MRPS11: variants seen among roughly 807,000 people sequenced by gnomAD.
MRPS11 encodes mitochondrial ribosomal protein S11, also known as small ribosomal subunit protein uS11m.
MRPS11 carries 27 observed loss-of-function variants against 24.3 expected under a neutral mutation model. The observed-to-expected ratio is 1.11, with a 90% CI of 0.82 to 1.53. The LOEUF is 1.53. MRPS11 is among the 40% of genes most tolerant of loss of function. The pLI is 0.00. For synonymous variants in MRPS11, 104 were observed against 98.7 expected (o/e 1.05, Z -0.32); for missense variants, 277 against 256.5 (o/e 1.08, Z -0.55).
chr15:88,472,593 A>C (rs772966129), intron 2 of MRPS11, 34 bp from the exon 3 acceptor site: 18 of 1,540,058 alleles, frequency 1.2e-5, no homozygotes, highest in Non-Finnish European at 1.5e-5. Context: ...AAAAGTCGAG[A>C]CAATTTTAAA....
intron 2 of MRPS11, 94 bp downstream of exon 2, chr15:88,468,118 G>A: frequency 6.7e-7 from 1 of 1,502,378 alleles, no homozygotes; most frequent in Non-Finnish European, 8.9e-7. Context: ...TTTCAGCTAT[G>A]TCACTTGCTA....
At chr15:88,470,459 G>A (rs2055671050) in intron 2 of MRPS11, among the ~76,000 whole-genome samples, 1 of 152,154 alleles carries the variant, frequency 6.6e-6, no homozygotes, top group African/African-American at 2.4e-5. Flanking sequence ...GAAGAGAAGA[G>A]GTCCAAGGAC....
At position 88,472,643 on chromosome 15, in the gene MRPS11, C is replaced by T. The variant is rs753261109; in HGVS notation, c.199C>T (p.Pro67Ser). The T allele has an allele frequency of 3.1e-6, 5 of 1,613,342 alleles. No individual in the cohort carries two copies. Among genetic ancestry groups the T allele is most frequent in the South Asian group, 2.2e-5 (2 of 91,060 alleles). Residue 67 changes from proline to serine, a missense_variant, in exon 3 of 6, where the codon CCA becomes TCA. Transcript: ENST00000325844. ...HTKFSIYPPIPGEESSLRWAG... is the reference protein window; with the variant it reads ...HTKFSIYPPISGEESSLRWAG... The stretch of plus-strand genomic sequence containing the variant: ...TAATTGCAGCATTTACCCTCCCATT[C>T]CAGGAGAGGAGAGCTCTCTGAGGTG...
Position 88,476,978 on chromosome 15 carries a change from C to T in MRPS11, c.412-11C>T, listed in dbSNP as rs1442200992. The T allele has an allele frequency of 1.2e-6, 2 of 1,612,306 alleles. No homozygotes were observed. The highest frequency in any genetic ancestry group is 2.7e-5 in the African/African-American group (2 of 74,182). ...TCTCTCCGGGGCACTAACCACTCTG[C>T]TTCTCTCCAGAGAGCTAAACAAAAG... On this transcript the variant is annotated splice_polypyrimidine_tract_variant and intron_variant, in intron 4 of 5. Coordinates refer to ENST00000325844, the MANE Select transcript of MRPS11 (RefSeq NM_022839.5).
In MRPS11 at chr15:88,472,471, G is replaced by C; in HGVS notation, c.183-156G>C. On this transcript the variant is annotated intron_variant, in intron 2 of 5. Transcript: ENST00000325844. ...TCATAAGCACAGCAGTCACACATGC[G>C]GTGGTGGCACCAGAAGGACTGAAAA... The C allele has an allele frequency of 1.2e-5, 7 of 597,358 alleles. No individual in the cohort carries two copies. The South Asian group carries it at 1.2e-4, about 10-fold the overall frequency. 37.0% of individuals were successfully genotyped at this position (597,358 alleles called of 1,614,324 possible). A position where few individuals can be genotyped will look rare whatever the true frequency, so the allele number is the denominator to read the frequency against.
rs1174125670 is a variant in MRPS11 at position 88,476,878 on chromosome 15, C to T, written c.412-111C>T. The T allele has an allele frequency of 6.6e-6, 7 of 1,066,896 alleles. No homozygotes were observed. In the African/African-American group the frequency reaches 1.1e-4, roughly 17 times the overall value. The allele number at this position is 1,066,896 out of a possible 1,614,324, so 66.1% of individuals were successfully genotyped here. A position where few individuals can be genotyped will look rare whatever the true frequency, so the allele number is the denominator to read the frequency against. ...GCCCTTTGCCTCCCTGTTTACTTCT[C>T]TGGATGCCCTTTCCCTGAGCTCACA... On this transcript the variant is annotated intron_variant, in intron 4 of 5. Transcript: ENST00000325844.
intron 2 of MRPS11, among the ~76,000 whole-genome samples, chr15:88,471,483 G>T (rs112234013): frequency 3.2e-4 from 49 of 152,288 alleles, no homozygotes; most frequent in African/African-American, 1.1e-3. Context: ...GGAACAGCAA[G>T]TTTATTTCCA....
chr15:88,469,440 G>A lies in MRPS11; in HGVS notation c.182+1416G>A, dbSNP rs1035972631. On this transcript the variant is annotated intron_variant, in intron 2 of 5. Transcript: ENST00000325844. This position sits in a 1 kb window ranked among gnomAD's most constrained non-coding sequence, Gnocchi z 4.4. ...CTGCCCTCATAGAACTTAAATTCCA[G>A]TGGGTAGAAGACAGTAAATAGAAAA... Among the ~76,000 whole-genome samples, 1 of 152,214 alleles carries A rather than the reference G, an allele frequency of 6.6e-6. No homozygotes were observed. Among genetic ancestry groups the A allele is most frequent in the Non-Finnish European group, 1.5e-5 (1 of 68,040 alleles).
In MRPS11 at chr15:88,477,006, C is replaced by G. The variant is rs149594277; in HGVS notation, c.429C>G (p.Gly143=). The change falls in exon 5 of 6, where the codon GGC becomes GGG. Residue 143 remains glycine (G), a synonymous_variant. Coordinates refer to ENST00000325844, the MANE Select transcript of MRPS11 (RefSeq NM_022839.5). This position sits in a 1 kb window ranked among gnomAD's most constrained non-coding sequence, Gnocchi z 5.7. ...IAAAARAKQK[G]VIHIRVVVKG... ...CTCTCCAGAGAGCTAAACAAAAGGG[C>G]GTGATCCACATCCGAGTTGTGGTGA... 3.9e-5 allele frequency: 63 copies of G among 1,613,968 alleles called. No individual in the cohort carries two copies. In the Middle Eastern group the frequency reaches 8.2e-4, roughly 21 times the overall value.
chr15:88,476,554 C>T (rs2055827257), intron 4 of MRPS11, among the ~76,000 whole-genome samples: 2 of 152,136 alleles, frequency 1.3e-5, no homozygotes, highest in South Asian at 4.1e-4. Flanking sequence ...TGTATATTTT[C>T]CCATTTTTAT....
chr15:88,471,802 C>T (rs577662218), intron 2 of MRPS11, among the ~76,000 whole-genome samples: 4 of 152,310 alleles, frequency 2.6e-5, no homozygotes, highest in Admixed American at 2.0e-4. Context: ...GAACGCAACA[C>T]AATGTGTTCA....
Position 88,477,925 on chromosome 15 carries a change from C to T in MRPS11, c.531C>T (p.Asp177=), listed in dbSNP as rs1253500023. ...GCCTGGAAGTGATCTCAATCACAGA[C>T]AACACCCCAATCCCACACAACGGCT... is the stretch of plus-strand genomic sequence containing the variant. ...MGGLEVISIT[D]NTPIPHNGCR... is the part of the protein sequence containing the mutation. The change falls in exon 6 of 6, where the codon GAC becomes GAT. Residue 177 remains aspartate (D), a synonymous_variant. Transcript: ENST00000325844. The surrounding 1 kb of genome is among the most constrained non-coding windows in gnomAD (Gnocchi z 5.7). 1.9e-6 allele frequency: 3 copies of T among 1,614,176 alleles called. No homozygotes were observed. Among genetic ancestry groups the T allele is most frequent in the Non-Finnish European group, 2.5e-6 (3 of 1,180,032 alleles).
chr15:88,467,840 G>C (rs114253630), intron 1 of MRPS11, 58 bp downstream of exon 1: 5 of 1,612,842 alleles, frequency 3.1e-6, no homozygotes, highest in Non-Finnish European at 4.2e-6. Context: ...GCTCCTACTC[G>C]TGTCCCTTGA....
At chr15:88,471,353 G>A (rs1424514826) in intron 2 of MRPS11, among the ~76,000 whole-genome samples, 3 of 152,210 alleles carry the variant, frequency 2.0e-5, no homozygotes, top group Non-Finnish European at 4.4e-5. Flanking sequence ...AGAAAAGCAG[G>A]TAGGGCTGGG....
chr15:88,476,777 A>ATCACAG, intron 4 of MRPS11: 1 of 578,986 alleles, frequency 1.7e-6, no homozygotes, highest in Admixed American at 3.0e-5. Flanking sequence ...GGCTAAACAG[A>ATCACAG]TCACAGTCAC....
In MRPS11 at chr15:88,467,743, C is replaced by A. The variant is rs201980995; in HGVS notation, c.26C>A (p.Ser9Ter). Residue 9 changes from serine to a stop codon, truncating the protein, a stop_gained, in exon 1 of 6, where the codon TCG (serine) becomes TAG (stop). Transcript: ENST00000325844. LOFTEE classifies it high-confidence loss of function. MQAVRNAG[S>*]RFLRSWTWPQ... ...ATGCAGGCTGTGAGAAACGCGGGGT[C>A]GCGGTTCCTGCGGTCCTGGACTTGG... The A allele has an allele frequency of 3.7e-6, 6 of 1,613,916 alleles. No homozygotes were observed. The African/African-American group carries it at 5.3e-5, about 14-fold the overall frequency.
rs1425366594 is a variant in MRPS11, at chr15:88,467,944, C to T, written c.102C>T (p.Cys34=). 7 of 1,613,370 alleles carry T rather than the reference C, an allele frequency of 4.3e-6. No homozygotes were observed. The highest frequency in any genetic ancestry group is 5.9e-6 in the Non-Finnish European group (7 of 1,179,982). Residue 34 remains cysteine (C), a synonymous_variant, in exon 2 of 6, where the codon TGC becomes TGT. Coordinates refer to ENST00000325844, the MANE Select transcript of MRPS11 (RefSeq NM_022839.5). ...VVARTPAGTI[C]TGARQLQDAA... is the part of the protein sequence containing the mutation. The stretch of plus-strand genomic sequence containing the variant: ...CCAGAACGCCGGCCGGGACCATCTG[C>T]ACAGGCGCTCGACAGCTCCAAGACG...
rs1022770427 is a variant in MRPS11 at position 88,480,228 on chromosome 15, G to C, written c.*2249G>C. 4 of 152,156 alleles carry C rather than the reference G, an allele frequency of 2.6e-5. No homozygotes were observed. Among genetic ancestry groups the C allele is most frequent in the African/African-American group, 9.7e-5 (4 of 41,428 alleles). The allele number at this position is 152,156 out of a possible 1,614,324, so 9.4% of individuals were successfully genotyped here. ...TCCATACACCATAGGTTTTTATTTT[G>C]GTTTTGGTTTTTGAGTCTCGTTGTC... is the stretch of plus-strand genomic sequence containing the variant. On this transcript the variant is annotated 3_prime_UTR_variant, in exon 6 of 6. Transcript: ENST00000325844. The surrounding 1 kb of genome is among the most constrained non-coding windows in gnomAD (Gnocchi z 5.1).
chr15:88,474,330 C>T (rs1185504587), intron 3 of MRPS11, among the ~76,000 whole-genome samples: 2 of 152,176 alleles, frequency 1.3e-5, no homozygotes, highest in South Asian at 2.1e-4. Context: ...GAGGCCAAGG[C>T]GGGCAGATCA....
Sources: gnomAD v4.1 joint callset for allele counts (sites outside exome capture counted in the v4.1 genomes callset) on GRCh38, gnomAD v4.1.1 for gene constraint, Gnocchi (gnomAD v3.1) non-coding constraint, MANE v1.5 for transcripts, NCBI Gene and HGNC (gene_info 2026-07-23, HGNC 2026-07-21) for gene names.